Variants in SKP2 observed in about 807,000 individuals in gnomAD.
The protein encoded by SKP2 is S-phase kinase-associated protein 2.
SKP2 carries 16 observed loss-of-function variants against 51.8 expected under a neutral mutation model. That is an observed-to-expected ratio of 0.31 (90% CI 0.21 to 0.47). The LOEUF is 0.47. Among genes scored for constraint, SKP2 ranks in the 20% least tolerant of loss-of-function variants. The pLI is 1.00. For missense variants in SKP2, 377 were observed against 505.3 expected, an observed-to-expected ratio of 0.75 and a Z score of 2.43; for synonymous variants, 176 against 198.6, an observed-to-expected ratio of 0.89 and a Z score of 0.96.
chr5:36,163,018 G>A (rs187501856), intron 2 of SKP2, among the ~76,000 whole-genome samples: 6 of 152,248 alleles, frequency 3.9e-5, no homozygotes, highest in Admixed American at 6.5e-5. Context: ...CCAGGTAACC[G>A]TCCCCATGAT....
At chr5:36,181,685 A>G (rs749941479) in intron 9 of SKP2, 133 bp from the exon 10 acceptor site, 6 of 887,110 alleles carry the variant, frequency 6.8e-6, no homozygotes, top group Non-Finnish European at 1.0e-5. Flanking sequence ...ATTTTCTCAA[A>G]TCATTTATTG....
intron 4 of SKP2, among the ~76,000 whole-genome samples, 192 bp from the exon 5 acceptor site, chr5:36,168,121 A>G (rs1745349034): frequency 6.6e-6 from 1 of 152,218 alleles, no homozygotes; most frequent in African/African-American, 2.4e-5. Flanking sequence ...ATCCTCTTGC[A>G]TTTTAAAATG....
At chr5:36,188,849 C>T (rs924273027), downstream of SKP2, among the ~76,000 whole-genome samples, 7 of 152,292 alleles carry the variant, frequency 4.6e-5, no homozygotes, top group South Asian at 2.1e-4. Flanking sequence ...CCATTCTCCC[C>T]GTCACTTTCA....
intron 3 of SKP2, among the ~76,000 whole-genome samples, chr5:36,164,669 C>T (rs182704219): frequency 1.1e-3 from 172 of 152,324 alleles, no homozygotes; most frequent in African/African-American, 3.9e-3. Context: ...GAGGGTTGCA[C>T]ACCTGGAATG....
intron 9 of SKP2, 25 bp downstream of exon 9, chr5:36,177,317 T>A: frequency 7.3e-7 from 1 of 1,366,236 alleles, no homozygotes; most frequent in Non-Finnish European, 1.0e-6. Context: ...TTTTTAATGC[T>A]TAATAGAAGG....
At position 36,181,911 on chromosome 5, in the gene SKP2, T is replaced by A; in HGVS notation, c.1155T>A (p.His385Gln). The A allele has an allele frequency of 1.2e-6, 2 of 1,614,160 alleles. No homozygotes were observed. Among genetic ancestry groups the A allele is most frequent in the Non-Finnish European group, 1.7e-6 (2 of 1,180,030 alleles). The change falls in exon 10 of 10, where the codon CAT becomes CAA. Residue 385 changes from histidine (H) to glutamine (Q), a missense_variant. His to Gln is a conservative substitution (Grantham distance 24). Around this residue, in one of 2 missense-constraint regions of SKP2, gnomAD observed 262 missense variants for 389.8 expected, o/e 0.67. Transcript: ENST00000274255. ...AACTGTTAAAGGAAGCCCTTCCTCATCTACAGATTAATTGCTCCCATTTCA... is the reference window on the plus strand; with the variant it reads ...AACTGTTAAAGGAAGCCCTTCCTCAACTACAGATTAATTGCTCCCATTTCA... ...TLQLLKEALP[H>Q]LQINCSHFTT...
intron 7 of SKP2, 108 bp downstream of exon 7, chr5:36,171,841 T>A: frequency 9.1e-7 from 1 of 1,102,758 alleles, no homozygotes; most frequent in Non-Finnish European, 1.3e-6. Context: ...TTTAATCCAG[T>A]GCATGTGTTA....
At chr5:36,167,460 C>T (rs1457734804) in intron 4 of SKP2, among the ~76,000 whole-genome samples, 1 of 152,176 alleles carries the variant, frequency 6.6e-6, no homozygotes, top group East Asian at 1.9e-4. Flanking sequence ...CAAGCTGTGT[C>T]CTCTACACCC....
At chr5:36,154,867 G>C (rs1030863992) in intron 2 of SKP2, among the ~76,000 whole-genome samples, 2 of 152,166 alleles carry the variant, frequency 1.3e-5, no homozygotes, top group Non-Finnish European at 2.9e-5. Context: ...TTGGGGGTGA[G>C]GGTGGTCAGA....
At position 36,183,728 on chromosome 5, in the gene SKP2, A is replaced by G. The variant is rs1274775077; in HGVS notation, c.*1697A>G. 1.5e-6 allele frequency: 2 copies of G among 1,364,294 alleles called. No individual in the cohort carries two copies. The highest frequency in any genetic ancestry group is 1.5e-5 in the African/African-American group (1 of 67,194). 84.5% of individuals were successfully genotyped at this position (1,364,294 alleles called of 1,614,324 possible). ...TAGAAACATACTATGAAGTGCCTTT[A>G]TCTGCTTAGACCTAAGGAAGATTTT... On this transcript the variant is annotated 3_prime_UTR_variant, in exon 10 of 10. Coordinates refer to ENST00000274255, the MANE Select transcript of SKP2 (RefSeq NM_005983.4).
intron 5 of SKP2, among the ~76,000 whole-genome samples, chr5:36,169,787 G>T (rs553364641): frequency 6.6e-6 from 1 of 152,344 alleles, no homozygotes; most frequent in East Asian, 1.9e-4. Context: ...GAGACACAGG[G>T]AGACTGAGTA....
Position 36,183,912 on chromosome 5 carries a change from C to G in SKP2, c.*1881C>G. 6.2e-7 allele frequency: 1 copy of G among 1,611,336 alleles called. No homozygotes were observed. On this transcript the variant is annotated 3_prime_UTR_variant, in exon 10 of 10. Coordinates refer to ENST00000274255, the MANE Select transcript of SKP2 (RefSeq NM_005983.4). ...GATGCCCTCAAACATACAGAACTTC[C>G]AAACTCAAGTCCAGCCATAAGCTAT...
Position 36,182,104 on chromosome 5 carries a change from T to C in SKP2, c.*73T>C. 2 of 1,545,224 alleles carry C rather than the reference T, an allele frequency of 1.3e-6. No homozygotes were observed. Among genetic ancestry groups the C allele is most frequent in the East Asian group, 4.7e-5 (2 of 42,156 alleles). ...GCAGGAAGCCCAATTGCTGGAGTACTTAGCTAGTTTTATTCTTGGTTTTCC... is the reference window on the plus strand; with the variant it reads ...GCAGGAAGCCCAATTGCTGGAGTACCTAGCTAGTTTTATTCTTGGTTTTCC... On this transcript the variant is annotated 3_prime_UTR_variant, in exon 10 of 10. Coordinates refer to ENST00000274255, the MANE Select transcript of SKP2 (RefSeq NM_005983.4).
chr5:36,192,379 T>C (rs560830236), intron 6 of SKP2, among the ~76,000 whole-genome samples: 3 of 152,336 alleles, frequency 2.0e-5, no homozygotes, highest in South Asian at 4.1e-4. Flanking sequence ...TAGATGCTAT[T>C]CTTAAGTATA....
intron 5 of SKP2, among the ~76,000 whole-genome samples, chr5:36,170,067 G>A (rs1745417925): frequency 6.6e-6 from 1 of 152,132 alleles, no homozygotes; most frequent in Non-Finnish European, 1.5e-5. Context: ...TACATTGATT[G>A]ATATTCTTGT....
chr5:36,168,052 G>A (rs905945224), intron 4 of SKP2, among the ~76,000 whole-genome samples: 1 of 152,182 alleles, frequency 6.6e-6, no homozygotes, highest in Admixed American at 6.5e-5. Context: ...TTGTTGTGAT[G>A]CCCACTCGTT....
Position 36,182,780 on chromosome 5 carries a change from T to C in SKP2, c.*749T>C. The stretch of plus-strand genomic sequence containing the variant: ...CAGAATCTAAATTAGATGAGAAATA[T>C]AATTGTGGTTTTCTAACTTGATAAT... On this transcript the variant is annotated 3_prime_UTR_variant, in exon 10 of 10. Transcript: ENST00000274255. 1 of 977,876 alleles carries C rather than the reference T, an allele frequency of 1.0e-6. No individual in the cohort carries two copies. The highest frequency in any genetic ancestry group is 1.2e-6 in the Non-Finnish European group (1 of 823,110). 60.6% of individuals were successfully genotyped at this position (977,876 alleles called of 1,614,324 possible). A position where few individuals can be genotyped will look rare whatever the true frequency, so the allele number is the denominator to read the frequency against.
At chr5:36,165,550 A>C (rs1745256338) in intron 3 of SKP2, among the ~76,000 whole-genome samples, 1 of 152,172 alleles carries the variant, frequency 6.6e-6, no homozygotes, top group Non-Finnish European at 1.5e-5. Context: ...TGGAGGCCAA[A>C]ATGGATTTCT....
chr5:36,176,694 T>C (rs2112002129), intron 7 of SKP2, among the ~76,000 whole-genome samples: 1 of 152,068 alleles, frequency 6.6e-6, no homozygotes, highest in African/African-American at 2.4e-5. Flanking sequence ...GGGATTTTTT[T>C]CCCTATTATT....
Sources: allele counts gnomAD v4.1 joint callset (sites outside exome capture counted in the v4.1 genomes callset), GRCh38; gene constraint gnomAD v4.1.1; regional missense constraint gnomAD v4.1.1; transcripts MANE v1.5; gene names NCBI Gene and HGNC (gene_info 2026-07-23, HGNC 2026-07-21).